GPC6: variants seen among roughly 807,000 people sequenced by gnomAD.
GPC6 encodes the protein glypican-6.
A neutral mutation model predicts 55.2 loss-of-function variants in GPC6; 14 were observed. That is an observed-to-expected ratio of 0.25 (90% confidence interval 0.17 to 0.40). GPC6 has a LOEUF of 0.40. Ranked by LOEUF, GPC6 falls within the 10% of genes least tolerant of loss-of-function variation. The pLI is 1.00. For missense variants in GPC6, 641 were observed against 708.5 expected, an observed-to-expected ratio of 0.90 and a Z score of 1.08; for synonymous variants, 278 against 259.6, an observed-to-expected ratio of 1.07 and a Z score of -0.68.
chr13:93,539,348 A>G (rs900020826), intron 1 of GPC6, among the ~76,000 whole-genome samples: 2 of 152,188 alleles, frequency 1.3e-5, no homozygotes, highest in African/African-American at 2.4e-5. Flanking sequence ...TGTCGAAATC[A>G]TCACGTGAAA....
At chr13:94,072,965 A>G (rs1427022681) in intron 4 of GPC6, among the ~76,000 whole-genome samples, 1 of 152,194 alleles carries the variant, frequency 6.6e-6, no homozygotes, top group Non-Finnish European at 1.5e-5. Flanking sequence ...AAGAAAGAAC[A>G]TGTGCAAGAG....
At chr13:94,305,381 G>T (rs762491067) in intron 5 of GPC6, among the ~76,000 whole-genome samples, 1 of 152,234 alleles carries the variant, frequency 6.6e-6, no homozygotes, top group East Asian at 1.9e-4. Context: ...CTATAACTCA[G>T]GCTTGAAGTT....
chr13:94,114,675 C>T (rs1439555044), intron 4 of GPC6, among the ~76,000 whole-genome samples: 1 of 152,044 alleles, frequency 6.6e-6, no homozygotes, highest in East Asian at 1.9e-4. Flanking sequence ...GCTATATTAC[C>T]ATTGAAGCTT....
At chr13:93,325,068 GA>G (rs1879607896) in intron 1 of GPC6, among the ~76,000 whole-genome samples, 1 of 152,010 alleles carries the variant, frequency 6.6e-6, no homozygotes, top group South Asian at 2.1e-4. Context: ...CTATGTTTTG[GA>G]AAACTTAGGA....
intron 1 of GPC6, among the ~76,000 whole-genome samples, chr13:93,302,005 A>G (rs943228180): frequency 2.0e-5 from 3 of 152,228 alleles, no homozygotes; most frequent in Non-Finnish European, 4.4e-5. Context: ...GTTTAGTTAT[A>G]CAATAATAAA....
intron 4 of GPC6, among the ~76,000 whole-genome samples, chr13:94,084,169 C>T (rs535801917): frequency 2.0e-5 from 3 of 152,228 alleles, no homozygotes; most frequent in Non-Finnish European, 2.9e-5. Context: ...TAGCACTTTT[C>T]GAAATGTTCT....
chr13:94,398,265 C>T (rs965053282), intron 7 of GPC6, among the ~76,000 whole-genome samples: 3 of 151,394 alleles, frequency 2.0e-5, no homozygotes, highest in African/African-American at 7.3e-5. Context: ...TAGTCTGAGG[C>T]TATTTTAGCC....
intron 1 of GPC6, among the ~76,000 whole-genome samples, chr13:93,229,737 A>G (rs1448579497): frequency 1.3e-5 from 2 of 151,694 alleles, no homozygotes; most frequent in East Asian, 1.9e-4. Flanking sequence ...AAACTCACCT[A>G]CTTTCCATGA....
chr13:93,231,415 ATATATATACG>A (rs1876052858), intron 1 of GPC6, among the ~76,000 whole-genome samples: 2 of 46,512 alleles, frequency 4.3e-5, no homozygotes, highest in African/African-American at 2.0e-4. Flanking sequence ...ATATATATAT[ATATATATACG>A]TATATATATA....
intron 1 of GPC6, among the ~76,000 whole-genome samples, chr13:93,516,366 A>T (rs950837731): frequency 6.6e-5 from 10 of 152,106 alleles, no homozygotes; most frequent in Non-Finnish European, 1.2e-4. Flanking sequence ...CTATTCATCA[A>T]ATATGGTCTT....
intron 3 of GPC6, among the ~76,000 whole-genome samples, chr13:93,951,401 T>C (rs146621303): frequency 7.9e-5 from 12 of 152,332 alleles, no homozygotes; most frequent in Non-Finnish European, 1.3e-4. Flanking sequence ...TTCCTCATCC[T>C]ATGCCAGTCA....
intron 1 of GPC6, among the ~76,000 whole-genome samples, chr13:93,367,903 A>G (rs997848704): frequency 4.6e-5 from 7 of 152,068 alleles, no homozygotes; most frequent in Non-Finnish European, 1.0e-4. Context: ...AGAATGTGTA[A>G]TCTGCTTTGT....
At chr13:94,142,425 A>G (rs866407716) in intron 4 of GPC6, among the ~76,000 whole-genome samples, 1 of 152,206 alleles carries the variant, frequency 6.6e-6, no homozygotes, top group Non-Finnish European at 1.5e-5. Flanking sequence ...ACGTTCTAGT[A>G]AACCTTTTGG....
chr13:94,111,446 C>T (rs894500499), intron 4 of GPC6, among the ~76,000 whole-genome samples: 4 of 148,372 alleles, frequency 2.7e-5, no homozygotes, highest in African/African-American at 9.9e-5. Context: ...GCACGTTCAG[C>T]ACATGTATTC....
chr13:94,045,006 ATTTG>A (rs1355046780), intron 4 of GPC6, among the ~76,000 whole-genome samples: 1 of 151,904 alleles, frequency 6.6e-6, no homozygotes, highest in Non-Finnish European at 1.5e-5. Context: ...TGAGATATAT[ATTTG>A]TGAATAGCCT....
chr13:93,608,769 T>C (rs1878347269), intron 2 of GPC6, among the ~76,000 whole-genome samples: 1 of 152,166 alleles, frequency 6.6e-6, no homozygotes, highest in African/African-American at 2.4e-5. Context: ...GTGAGAGGAT[T>C]ATAAAGAAAC....
chr13:93,863,198 G>A (rs1888866799), intron 3 of GPC6, among the ~76,000 whole-genome samples: 2 of 151,596 alleles, frequency 1.3e-5, no homozygotes, highest in African/African-American at 2.4e-5. Context: ...ACAGCCTGAA[G>A]ACCAAAGCCA....
At chr13:94,122,903 G>A (rs1416450422) in intron 4 of GPC6, among the ~76,000 whole-genome samples, 2 of 152,152 alleles carry the variant, frequency 1.3e-5, no homozygotes, top group East Asian at 3.9e-4. Flanking sequence ...TGCAGAACAT[G>A]TTTACTTCTG....
At chr13:93,676,866 A>G (rs1594364309) in intron 2 of GPC6, among the ~76,000 whole-genome samples, 1 of 152,094 alleles carries the variant, frequency 6.6e-6, no homozygotes, top group African/African-American at 2.4e-5. Context: ...ATAGAATGGG[A>G]TGGTCTGGAA....
Sources: gnomAD v4.1 joint callset for allele counts (sites outside exome capture counted in the v4.1 genomes callset) on GRCh38, gnomAD v4.1.1 for gene constraint, MANE v1.5 for transcripts, NCBI Gene and HGNC (gene_info 2026-07-23, HGNC 2026-07-21) for gene names.